SLC35F2: variants seen among roughly 807,000 people sequenced by gnomAD.
SLC35F2 encodes the protein queuine/queuosine transporter SLC35F2.
Under a neutral mutation model 38.1 loss-of-function variants are expected in SLC35F2, and 25 were observed. The observed-to-expected ratio is 0.66, with a 90% CI of 0.48 to 0.92. The LOEUF is 0.92. Among genes scored for constraint, SLC35F2 ranks in the 40% least tolerant of loss-of-function variants. The pLI, the probability that SLC35F2 is intolerant of heterozygous loss-of-function variation, is 0.00. For synonymous variants in SLC35F2, 173 were observed against 181.7 expected (o/e 0.95, Z 0.38); for missense variants, 409 against 452.9 (o/e 0.90, Z 0.88).
rs1159978548 is a variant in SLC35F2 at position 107,815,068 on chromosome 11, ACT to A, written c.286+720_286+721del. ...ACTCCAGCCTGGGTGACAGAGTGAG[ACT>A]CTGTATAAAAAAAAAGAGAGAGAGA... On this transcript the variant is annotated intron_variant, in intron 2 of 7. Transcript: ENST00000525815. 3.3e-5 allele frequency among the ~76,000 whole-genome samples: 5 copies of A among 151,748 alleles called. No homozygotes were observed. In the East Asian group the frequency reaches 7.8e-4, roughly 24 times the overall value.
At chr11:107,822,135 C>T (rs1423700676) in intron 1 of SLC35F2, among the ~76,000 whole-genome samples, 1 of 152,054 alleles carries the variant, frequency 6.6e-6, no homozygotes, top group Non-Finnish European at 1.5e-5. Context: ...TCCAGCTACT[C>T]GAGAGGCTGA....
chr11:107,806,696 A>G, intron 4 of SLC35F2, 21 bp downstream of exon 4: 1 of 1,613,240 alleles, frequency 6.2e-7, no homozygotes, highest in Non-Finnish European at 8.5e-7. Flanking sequence ...ATTGAAGCAC[A>G]AACATGTGAC....
At chr11:107,834,966 G>A (rs1859906663) in intron 1 of SLC35F2, among the ~76,000 whole-genome samples, 1 of 152,112 alleles carries the variant, frequency 6.6e-6, no homozygotes, top group African/African-American at 2.4e-5. Context: ...TACAACTCCT[G>A]TAATACCTGA....
intron 1 of SLC35F2, among the ~76,000 whole-genome samples, chr11:107,825,921 A>C (rs1217551038): frequency 6.6e-6 from 1 of 152,062 alleles, no homozygotes; most frequent in African/African-American, 2.4e-5. Flanking sequence ...TCAGCGGGAG[A>C]GTTTGGGGGT....
At chr11:107,815,170 G>T (rs1185697120) in intron 2 of SLC35F2, among the ~76,000 whole-genome samples, 5 of 151,954 alleles carry the variant, frequency 3.3e-5, no homozygotes, top group African/African-American at 7.3e-5. Context: ...GGAGAGTAAG[G>T]TTCTTGACTT....
chr11:107,853,404 T>C (rs1860219671), intron 1 of SLC35F2, among the ~76,000 whole-genome samples: 1 of 152,144 alleles, frequency 6.6e-6, no homozygotes. Context: ...ACATTACAGA[T>C]GTCCAAGGCT....
intron 4 of SLC35F2, 185 bp from the exon 5 acceptor site, chr11:107,805,700 GAC>G: frequency 1.0e-6 from 1 of 981,208 alleles, no homozygotes; most frequent in Non-Finnish European, 1.2e-6. Context: ...GTGTGTTTGA[GAC>G]AGTCTTGCTC....
In SLC35F2 at chr11:107,812,050, C is replaced by T. The variant is rs546720678; in HGVS notation, c.287-256G>A. Reference sequence around the variant, plus strand: ...CTGAGTAGCTGGGACCACAGGCGTACGCCACCATACCCACCTAATTATTTT... The same window carrying T: ...CTGAGTAGCTGGGACCACAGGCGTATGCCACCATACCCACCTAATTATTTT... On this transcript the variant is annotated intron_variant, in intron 2 of 7. Transcript: ENST00000525815. Among the ~76,000 whole-genome samples, 12 of 152,176 alleles carry T rather than the reference C, an allele frequency of 7.9e-5. No individual in the cohort carries two copies. In the South Asian group the frequency reaches 1.0e-3, roughly 13 times the overall value.
intron 1 of SLC35F2, among the ~76,000 whole-genome samples, chr11:107,857,310 G>C (rs892464064): frequency 1.4e-5 from 2 of 147,220 alleles, no homozygotes; most frequent in Non-Finnish European, 3.0e-5. Context: ...AACGAAGGAA[G>C]GAGAGAGGGA....
intron 7 of SLC35F2, among the ~76,000 whole-genome samples, chr11:107,795,249 C>T (rs1859200084): frequency 6.6e-6 from 1 of 151,976 alleles, no homozygotes; most frequent in African/African-American, 2.4e-5. Flanking sequence ...TGCTGGGCAA[C>T]CAAAACAGCA....
chr11:107,796,300 G>C (rs1859217001), intron 7 of SLC35F2, among the ~76,000 whole-genome samples: 1 of 152,136 alleles, frequency 6.6e-6, no homozygotes, highest in African/African-American at 2.4e-5. Flanking sequence ...AAAGAAATCA[G>C]TATATCAAAG....
chr11:107,809,774 T>C, intron 3 of SLC35F2: 1 of 984,668 alleles, frequency 1.0e-6, no homozygotes, highest in Non-Finnish European at 1.2e-6. Context: ...AAAAACAAGT[T>C]AGATCATATT....
chr11:107,822,845 AC>A lies in SLC35F2; in HGVS notation c.111-6881del, dbSNP rs1859695730. ...GGAGAAGGTTCACAGAGGAGTCAAA[AC>A]AATCACACACCTGAAAGGTATTTTA... On this transcript the variant is annotated intron_variant, in intron 1 of 7. Coordinates refer to ENST00000525815, the MANE Select transcript of SLC35F2 (RefSeq NM_017515.5). Among the ~76,000 whole-genome samples, 3 of 152,114 alleles carry A rather than the reference AC, an allele frequency of 2.0e-5. No individual in the cohort carries two copies. In the South Asian group the frequency reaches 6.2e-4, roughly 31 times the overall value.
intron 1 of SLC35F2, among the ~76,000 whole-genome samples, chr11:107,818,078 AAGAAAGAAAGAAAGAAAG>A (rs1859608823): frequency 1.0e-5 from 1 of 97,288 alleles, no homozygotes; most frequent in Non-Finnish European, 2.3e-5. Flanking sequence ...AAAAAAAAGA[AAGAAAGAAAGAAAGAAAG>A]AAAGAAAGAA....
At chr11:107,824,811 A>T (rs11212393) in intron 1 of SLC35F2, among the ~76,000 whole-genome samples, 8,766 of 152,042 alleles carry the variant, frequency 0.058, 519 homozygotes, top group African/African-American at 0.15. Flanking sequence ...TAACCTCTTG[A>T]CCATACCTGT....
chr11:107,845,731 T>C (rs1860095741), intron 1 of SLC35F2, among the ~76,000 whole-genome samples: 1 of 151,930 alleles, frequency 6.6e-6, no homozygotes, highest in Admixed American at 6.6e-5. Flanking sequence ...GACAGGCGGA[T>C]CACTTCAGGT....
rs1859145330 is a variant in SLC35F2 at position 107,792,191 on chromosome 11, C to G, written c.*424G>C. 1 of 138,772 alleles carries G rather than the reference C, an allele frequency of 7.2e-6. No individual in the cohort carries two copies. Among genetic ancestry groups the G allele is most frequent in the Non-Finnish European group, 1.5e-5 (1 of 64,580 alleles). The allele number at this position is 138,772 out of a possible 1,614,324, so 8.6% of individuals were successfully genotyped here. A position where few individuals can be genotyped will look rare whatever the true frequency, so the allele number is the denominator to read the frequency against. ...AAAAAAAAAAAAAAAAACCTTGAAGCATCTGACAGAGGAAACGTACTCCAG... is the reference window on the plus strand; with the variant it reads ...AAAAAAAAAAAAAAAAACCTTGAAGGATCTGACAGAGGAAACGTACTCCAG... On this transcript the variant is annotated 3_prime_UTR_variant, in exon 8 of 8. Transcript: ENST00000525815.
intron 7 of SLC35F2, among the ~76,000 whole-genome samples, chr11:107,796,679 G>T (rs1458262025): frequency 6.6e-6 from 1 of 151,952 alleles, no homozygotes; most frequent in Non-Finnish European, 1.5e-5. Flanking sequence ...TGTAGTGGTG[G>T]TTGTTTTGAG....
intron 1 of SLC35F2, among the ~76,000 whole-genome samples, chr11:107,820,260 T>TAA (rs754515465): frequency 4.2e-3 from 335 of 80,068 alleles, no homozygotes; most frequent in African/African-American, 0.014. Context: ...GCCCAAAAAA[T>TAA]AAAAAAAAAA....
Sources: allele counts gnomAD v4.1 joint callset (sites outside exome capture counted in the v4.1 genomes callset), GRCh38; gene constraint gnomAD v4.1.1; transcripts MANE v1.5; gene names NCBI Gene and HGNC (gene_info 2026-07-23, HGNC 2026-07-21).